PTPRD: variants seen among roughly 807,000 people sequenced by gnomAD.
PTPRD encodes protein tyrosine phosphatase receptor type D.
Under a neutral mutation model 214.5 loss-of-function variants are expected in PTPRD, and 34 were observed. The observed-to-expected ratio is 0.16, with a 90% confidence interval of 0.12 to 0.21. The LOEUF (loss-of-function observed/expected upper bound fraction) is 0.21. PTPRD is among the 10% of genes least tolerant of loss of function. The pLI is 1.00. For missense variants in PTPRD, 2,545 were observed against 2,398.7 expected (o/e 1.06, Z -1.27); for synonymous variants, 1,128 against 845.7 (o/e 1.33, Z -5.79).
chr9:9,890,242 G>C (rs1193827697), intron 5 of PTPRD, among the ~76,000 whole-genome samples: 3 of 151,972 alleles, frequency 2.0e-5, no homozygotes, highest in African/African-American at 7.3e-5. Flanking sequence ...CTGTGGCCCA[G>C]GGTAGAGTGC....
At chr9:10,004,896 T>A (rs949383717) in intron 4 of PTPRD, among the ~76,000 whole-genome samples, 1 of 152,198 alleles carries the variant, frequency 6.6e-6, no homozygotes, top group Non-Finnish European at 1.5e-5. Context: ...CTCGAAGGAC[T>A]GGCTCTAGCA....
At chr9:8,970,107 T>C (rs2099227742) in intron 11 of PTPRD, among the ~76,000 whole-genome samples, 1 of 151,956 alleles carries the variant, frequency 6.6e-6, no homozygotes, top group Non-Finnish European at 1.5e-5. Flanking sequence ...TTGCCATGTG[T>C]TCAGTTTATA....
chr9:10,202,470 C>T (rs2099429956), intron 3 of PTPRD, among the ~76,000 whole-genome samples: 1 of 141,364 alleles, frequency 7.1e-6, no homozygotes, highest in South Asian at 2.2e-4. Context: ...AGAAAGGATA[C>T]TAAATAAAAT....
At chr9:10,203,224 G>C (rs970618857) in intron 3 of PTPRD, among the ~76,000 whole-genome samples, 15 of 145,138 alleles carry the variant, frequency 1.0e-4, no homozygotes, top group African/African-American at 3.6e-4. Flanking sequence ...AAGTATTCAT[G>C]TGTTATTGGT....
At chr9:9,085,550 T>C (rs2099765842) in intron 10 of PTPRD, among the ~76,000 whole-genome samples, 1 of 152,120 alleles carries the variant, frequency 6.6e-6, no homozygotes, top group African/African-American at 2.4e-5. Context: ...TCAGGGCTTT[T>C]TTTCCCTCTT....
chr9:10,317,473 A>G (rs2096463741), intron 3 of PTPRD, among the ~76,000 whole-genome samples: 1 of 152,006 alleles, frequency 6.6e-6, no homozygotes, highest in African/African-American at 2.4e-5. Context: ...AAAGGAAAGT[A>G]TAATGCCTGG....
chr9:8,543,087 CG>C (rs2078910487), intron 14 of PTPRD, among the ~76,000 whole-genome samples: 1 of 152,150 alleles, frequency 6.6e-6, no homozygotes, highest in Non-Finnish European at 1.5e-5. Flanking sequence ...AGATAACTCA[CG>C]GCTGTCACAT....
chr9:9,883,751 A>G (rs765286637), intron 5 of PTPRD, among the ~76,000 whole-genome samples: 15 of 152,160 alleles, frequency 9.9e-5, no homozygotes, highest in Non-Finnish European at 2.2e-4. Flanking sequence ...TTTATCATTT[A>G]GCCGTATACT....
chr9:8,464,476 G>A (rs946009060), intron 32 of PTPRD, among the ~76,000 whole-genome samples: 2 of 151,938 alleles, frequency 1.3e-5, no homozygotes, highest in South Asian at 4.2e-4. Context: ...GATTTTCCAC[G>A]GGGGAATTCT....
intron 5 of PTPRD, among the ~76,000 whole-genome samples, chr9:9,892,503 C>T (rs1223015350): frequency 6.6e-6 from 1 of 152,014 alleles, no homozygotes. Context: ...AGCACAGAAA[C>T]CAAATGATTC....
intron 9 of PTPRD, among the ~76,000 whole-genome samples, chr9:9,191,118 G>A (rs923873412): frequency 6.6e-6 from 1 of 152,110 alleles, no homozygotes; most frequent in African/African-American, 2.4e-5. Flanking sequence ...ATTATAAAAA[G>A]ACTGGGGCTT....
At chr9:8,853,468 G>A (rs147384786) in intron 11 of PTPRD, among the ~76,000 whole-genome samples, 6 of 152,238 alleles carry the variant, frequency 3.9e-5, no homozygotes, top group African/African-American at 1.4e-4. Context: ...TGTAAGCCAA[G>A]CATGACATTT....
intron 33 of PTPRD, among the ~76,000 whole-genome samples, chr9:8,450,905 C>A (rs1391451215): frequency 6.6e-6 from 1 of 152,186 alleles, no homozygotes; most frequent in African/African-American, 2.4e-5. Context: ...TAGTATCTCA[C>A]CCCTGCTCAA....
chr9:9,937,560 A>G (rs901901108), intron 5 of PTPRD, among the ~76,000 whole-genome samples: 11 of 152,128 alleles, frequency 7.2e-5, no homozygotes, highest in African/African-American at 2.7e-4. Flanking sequence ...ATTCCTAATT[A>G]TTTACTCACA....
intron 33 of PTPRD, among the ~76,000 whole-genome samples, chr9:8,455,282 G>GA (rs1480335445): frequency 6.6e-6 from 1 of 152,130 alleles, no homozygotes; most frequent in Non-Finnish European, 1.5e-5. Flanking sequence ...GGCTAATCCA[G>GA]AAAAACATTT....
intron 11 of PTPRD, chr9:8,862,050 G>T (rs2098116109): frequency 6.6e-6 from 1 of 152,084 alleles, no homozygotes; most frequent in African/African-American, 2.4e-5. Flanking sequence ...GCCAAACACA[G>T]AACTAGCACA....
intron 11 of PTPRD, among the ~76,000 whole-genome samples, chr9:8,747,696 G>A (rs1044518816): frequency 2.3e-4 from 35 of 152,204 alleles, no homozygotes; most frequent in African/African-American, 6.5e-4. Flanking sequence ...GCTAGCCACC[G>A]AAGAAGGAAA....
At chr9:8,333,855 A>G (rs1843929246) in intron 43 of PTPRD, among the ~76,000 whole-genome samples, 1 of 131,728 alleles carries the variant, frequency 7.6e-6, no homozygotes, top group African/African-American at 3.7e-5. Context: ...AATGGAAGGC[A>G]AAAAAAAAGA....
intron 12 of PTPRD, among the ~76,000 whole-genome samples, chr9:8,726,040 C>CAT (rs1555219567): frequency 4.7e-5 from 7 of 147,560 alleles, no homozygotes; most frequent in African/African-American, 1.8e-4. Flanking sequence ...CACACACACA[C>CAT]ACACACACAC....
Sources: allele counts gnomAD v4.1 joint callset (sites outside exome capture counted in the v4.1 genomes callset), GRCh38; gene constraint gnomAD v4.1.1; transcripts MANE v1.5; gene names NCBI Gene and HGNC (gene_info 2026-07-23, HGNC 2026-07-21).